ZNF469: variants seen among roughly 807,000 people sequenced by gnomAD.
ZNF469 encodes zinc finger protein 469.
Under a neutral mutation model 1.0 loss-of-function variants are expected in ZNF469, and 1 was observed. The ratio of observed to expected loss-of-function variants is 1.00; its 90% confidence interval spans 0.35 to 4.73. The LOEUF (loss-of-function observed/expected upper bound fraction) is 4.73, where lower values mean the gene tolerates loss of function less well. Ranked by LOEUF, ZNF469 falls within the 30% of genes most tolerant of loss-of-function variation. ZNF469 has a pLI of 0.16. For synonymous variants in ZNF469, 2,703 were observed against 2,363.4 expected (o/e 1.14, Z -4.17); for missense variants, 6,100 against 5,356.3 (o/e 1.14, Z -4.33).
At chr16:88,101,221 C>A in the ZNF469 span, among the ~76,000 whole-genome samples, 10 of 152,250 alleles carry the variant, frequency 6.6e-5, no homozygotes, top group Admixed American at 6.5e-4. Context: ...CGAGGGGGTG[C>A]ACGCAGGGGA....
chr16:88,330,226 T>C, the ZNF469 span, among the ~76,000 whole-genome samples: 1 of 152,262 alleles, frequency 6.6e-6, no homozygotes, highest in Non-Finnish European at 1.5e-5. Context: ...ACGGGACCTG[T>C]GGCATCCTGT....
chr16:88,285,214 C>A, the ZNF469 span, among the ~76,000 whole-genome samples: 1 of 152,280 alleles, frequency 6.6e-6, no homozygotes, highest in South Asian at 2.1e-4. Context: ...GCCCCCAGAG[C>A]TGTGGTAGGC....
At chr16:88,383,793 G>C (rs1253566371) in intron 1 of ZNF469, among the ~76,000 whole-genome samples, 2 of 152,136 alleles carry the variant, frequency 1.3e-5, no homozygotes, top group Non-Finnish European at 2.9e-5. Context: ...GCCCCGGACG[G>C]GGGTGGGAGC....
At chr16:88,395,949 C>G (rs536405942) in intron 1 of ZNF469, among the ~76,000 whole-genome samples, 1 of 152,372 alleles carries the variant, frequency 6.6e-6, no homozygotes, top group South Asian at 2.1e-4. Flanking sequence ...CAGGTGAACT[C>G]TGGAGTCATC....
chr16:88,261,644 G>A, the ZNF469 span, among the ~76,000 whole-genome samples: 1 of 152,168 alleles, frequency 6.6e-6, no homozygotes, highest in African/African-American at 2.4e-5. The surrounding 1 kb of genome is among the most constrained non-coding windows in gnomAD (Gnocchi z 6.0). Flanking sequence ...TGAGCTGAAA[G>A]TGACACCTGC....
At chr16:88,153,607 G>A in the ZNF469 span, among the ~76,000 whole-genome samples, 2 of 152,240 alleles carry the variant, frequency 1.3e-5, no homozygotes, top group Non-Finnish European at 2.9e-5. Flanking sequence ...CAGGGTCGCT[G>A]ACTGTGGACT....
the ZNF469 span, among the ~76,000 whole-genome samples, chr16:88,208,286 G>A: frequency 1.3e-5 from 2 of 151,010 alleles, no homozygotes; most frequent in Non-Finnish European, 2.9e-5. Context: ...TTTCCCTGTT[G>A]CGTGCTGCAA....
the ZNF469 span, among the ~76,000 whole-genome samples, chr16:88,296,735 CCA>C: frequency 6.6e-6 from 1 of 150,836 alleles, no homozygotes; most frequent in African/African-American, 2.4e-5. Flanking sequence ...CATGCTCCAC[CCA>C]CACACACATA....
At chr16:88,125,576 C>T in the ZNF469 span, among the ~76,000 whole-genome samples, 1 of 152,154 alleles carries the variant, frequency 6.6e-6, no homozygotes, top group African/African-American at 2.4e-5. Flanking sequence ...CATAGTTTGC[C>T]TCTCTTTTTA....
the ZNF469 span, among the ~76,000 whole-genome samples, chr16:88,355,912 G>A: frequency 6.6e-6 from 1 of 151,680 alleles, no homozygotes; most frequent in Admixed American, 6.6e-5. Context: ...AGCCTCTGGG[G>A]CATGCCGTGG....
At chr16:88,270,802 A>G in the ZNF469 span, among the ~76,000 whole-genome samples, 1 of 152,232 alleles carries the variant, frequency 6.6e-6, no homozygotes, top group Non-Finnish European at 1.5e-5. Context: ...AAGGCTTTCT[A>G]TGGAGGGCTA....
the ZNF469 span, among the ~76,000 whole-genome samples, chr16:88,187,663 G>A: frequency 6.6e-6 from 1 of 150,892 alleles, no homozygotes; most frequent in South Asian, 2.1e-4. Context: ...AATCCCAAAT[G>A]TGGTTTATAG....
At chr16:88,419,605 G>C (rs1461291882) in intron 1 of ZNF469, among the ~76,000 whole-genome samples, 1 of 152,096 alleles carries the variant, frequency 6.6e-6, no homozygotes, top group Admixed American at 6.5e-5. Context: ...ACCCCCGGCA[G>C]CCTCCCACTC....
At chr16:88,161,099 T>C in the ZNF469 span, among the ~76,000 whole-genome samples, 1 of 150,874 alleles carries the variant, frequency 6.6e-6, no homozygotes, top group Non-Finnish European at 1.5e-5. Context: ...GGGCAGAGCT[T>C]GCAGTGAGCC....
intron 1 of ZNF469, among the ~76,000 whole-genome samples, chr16:88,413,948 A>C (rs1905241419): frequency 6.6e-6 from 1 of 152,186 alleles, no homozygotes; most frequent in Non-Finnish European, 1.5e-5. Context: ...CTGAGCCTCC[A>C]CCAAGAGGGG....
At chr16:88,191,944 G>A in the ZNF469 span, among the ~76,000 whole-genome samples, 42 of 152,324 alleles carry the variant, frequency 2.8e-4, no homozygotes, top group Non-Finnish European at 5.0e-4. Flanking sequence ...AACACCCAGC[G>A]TGATGGTATT....
the ZNF469 span, among the ~76,000 whole-genome samples, chr16:88,169,769 T>C: frequency 1.7e-4 from 26 of 152,304 alleles, no homozygotes; most frequent in African/African-American, 6.3e-4. The surrounding 1 kb of genome is among the most constrained non-coding windows in gnomAD (Gnocchi z 6.1). Flanking sequence ...GGCGTGTGCA[T>C]GTTGAACAAA....
At chr16:88,268,740 G>C in the ZNF469 span, among the ~76,000 whole-genome samples, 1 of 152,212 alleles carries the variant, frequency 6.6e-6, no homozygotes, top group Non-Finnish European at 1.5e-5. Flanking sequence ...AAGTCACTAA[G>C]CCCGGGCCAC....
At chr16:88,225,816 C>T in the ZNF469 span, among the ~76,000 whole-genome samples, 1 of 152,218 alleles carries the variant, frequency 6.6e-6, no homozygotes, top group African/African-American at 2.4e-5. Context: ...CCTGGGCTTC[C>T]AGCTCCAGAG....
Sources: allele counts gnomAD v4.1 joint callset (sites outside exome capture counted in the v4.1 genomes callset), GRCh38; gene constraint gnomAD v4.1.1; non-coding constraint Gnocchi (gnomAD v3.1); transcripts MANE v1.5; gene names NCBI Gene and HGNC (gene_info 2026-07-23, HGNC 2026-07-21).